AHRR: variants seen among roughly 807,000 people sequenced by gnomAD.
AHRR encodes aryl hydrocarbon receptor repressor.
In AHRR, 28 loss-of-function variants were observed where a neutral mutation model predicts 44.0. The observed-to-expected ratio is 0.64, with a 90% confidence interval of 0.47 to 0.87. The LOEUF is 0.87. Ranked by LOEUF, AHRR falls within the 40% of genes least tolerant of loss-of-function variation. The pLI is 0.00. For missense variants in AHRR, 990 were observed against 953.9 expected (o/e 1.04, Z -0.50); for synonymous variants, 434 against 407.0 (o/e 1.07, Z -0.80).
rs75436750 is a variant in AHRR at position 355,239 on chromosome 5, T to A, written c.244+1328T>A. Among the ~76,000 whole-genome samples, 1,367 of 151,758 alleles carry A rather than the reference T, an allele frequency of 9.0e-3. 8 individuals carry two copies. Among genetic ancestry groups the A allele is most frequent in the Middle Eastern group, 0.034 (10 of 294 alleles). On this transcript the variant is annotated intron_variant, in intron 3 of 10. Transcript: ENST00000684583. ...CAGGATGGCAGCTTTTCCAGGAGGG[T>A]TAAGATGTGGTGCAGTTGGTGTGGT...
chr5:409,491 C>G (rs1735387737), intron 4 of AHRR, among the ~76,000 whole-genome samples: 1 of 152,216 alleles, frequency 6.6e-6, no homozygotes, highest in African/African-American at 2.4e-5. Context: ...GTCGGTCTTT[C>G]TGACAGCGGC....
chr5:348,617 C>A (rs964960783), intron 2 of AHRR, among the ~76,000 whole-genome samples: 7 of 152,190 alleles, frequency 4.6e-5, no homozygotes, highest in Non-Finnish European at 1.0e-4. Flanking sequence ...AATCACACAG[C>A]ATTTTGTCTG....
rs1188143444 is a variant in AHRR at position 428,545 on chromosome 5, G to A, written c.908+539G>A. Reference sequence around the variant, plus strand: ...AGTAGAAAACACCCTGTTGGTCCCCGAGCTTGTTGGTACTAGGGACCAGTT... The same window carrying A: ...AGTAGAAAACACCCTGTTGGTCCCCAAGCTTGTTGGTACTAGGGACCAGTT... On this transcript the variant is annotated intron_variant, in intron 8 of 10. Coordinates refer to ENST00000684583, the MANE Select transcript of AHRR (RefSeq NM_001377236.1). 2.0e-5 allele frequency among the ~76,000 whole-genome samples: 3 copies of A among 152,222 alleles called. No individual in the cohort carries two copies. In the South Asian group the frequency reaches 6.2e-4, roughly 32 times the overall value.
chr5:436,014 G>C lies in AHRR; in HGVS notation c.*1180G>C, dbSNP rs1330216364. ...GCTGGTGCAGGCATCAGATCAGGGT[G>C]TAGAAGTCACCCCAAGCAAGAGGAA... On this transcript the variant is annotated 3_prime_UTR_variant, in exon 11 of 11. Transcript: ENST00000684583. 6.5e-6 allele frequency: 1 copy of C among 152,856 alleles called. No individual in the cohort carries two copies. The highest frequency in any genetic ancestry group is 1.5e-5 in the Non-Finnish European group (1 of 68,162). The allele number at this position is 152,856 out of a possible 1,614,324, so 9.5% of individuals were successfully genotyped here. A position where few individuals can be genotyped will look rare whatever the true frequency, so the allele number is the denominator to read the frequency against.
At chr5:335,545 G>A (rs1397861980) in intron 1 of AHRR, among the ~76,000 whole-genome samples, 3 of 152,212 alleles carry the variant, frequency 2.0e-5, no homozygotes, top group African/African-American at 7.2e-5. Context: ...AGCTGGACCA[G>A]GCAAGCTTGC....
chr5:368,481 T>C (rs1402919295), intron 3 of AHRR, among the ~76,000 whole-genome samples: 2 of 152,280 alleles, frequency 1.3e-5, no homozygotes, highest in Non-Finnish European at 2.9e-5. Context: ...ACCCTTGGCT[T>C]GTCCCTGCTG....
At chr5:336,325 G>C (rs1357122684) in intron 1 of AHRR, among the ~76,000 whole-genome samples, 1 of 152,152 alleles carries the variant, frequency 6.6e-6, no homozygotes, top group Non-Finnish European at 1.5e-5. Flanking sequence ...AAGTTTTGCT[G>C]TTTCCTGTCA....
At chr5:352,265 A>C (rs546291436) in intron 2 of AHRR, among the ~76,000 whole-genome samples, 11 of 152,300 alleles carry the variant, frequency 7.2e-5, no homozygotes, top group Middle Eastern at 3.4e-3. Flanking sequence ...CTGAGGTTAA[A>C]TAGGTCAGCT....
chr5:364,973 T>C (rs2126415612), intron 3 of AHRR, among the ~76,000 whole-genome samples: 1 of 152,212 alleles, frequency 6.6e-6, no homozygotes, highest in East Asian at 1.9e-4. Context: ...ATTCTTTCCA[T>C]AACATAATTT....
At position 334,110 on chromosome 5, in the gene AHRR, ATAGGTGAC is replaced by A. The variant is rs961257688; in HGVS notation, c.-10-9779_-10-9772del. Among the ~76,000 whole-genome samples, 36 of 152,272 alleles carry A rather than the reference ATAGGTGAC, an allele frequency of 2.4e-4. 1 individual carries two copies. Among genetic ancestry groups the A allele is most frequent in the African/African-American group, 7.9e-4 (33 of 41,530 alleles). On this transcript the variant is annotated intron_variant, in intron 1 of 10. Transcript: ENST00000684583. The stretch of plus-strand genomic sequence containing the variant: ...CTCTTAGTCTGATGAAGTTTCCTTT[ATAGGTGAC>A]TAGATGCTTTTCTCTTGATTTTAGA...
intron 1 of AHRR, among the ~76,000 whole-genome samples, chr5:328,810 G>A (rs2126322356): frequency 6.6e-6 from 1 of 152,258 alleles, no homozygotes; most frequent in East Asian, 1.9e-4. Context: ...TGGATGAATA[G>A]TTTGCAAATA....
Position 404,456 on chromosome 5 carries a change from C to A in AHRR, c.352-8888C>A. ...CAGGGGACCACTGTGCTGGTGCTGT[C>A]GTGCACGGTGTGTTCACCAAAACAT... On this transcript the variant is annotated intron_variant, in intron 4 of 10. Coordinates refer to ENST00000684583, the MANE Select transcript of AHRR (RefSeq NM_001377236.1). This position sits in a 1 kb window ranked among gnomAD's most constrained non-coding sequence, Gnocchi z 4.1. 1.9e-6 allele frequency: 1 copy of A among 519,878 alleles called. No individual in the cohort carries two copies. The highest frequency in any genetic ancestry group is 1.5e-5 in the South Asian group (1 of 68,788). 32.2% of individuals were successfully genotyped at this position (519,878 alleles called of 1,614,324 possible). A position where few individuals can be genotyped will look rare whatever the true frequency, so the allele number is the denominator to read the frequency against.
At chr5:426,582 G>A (rs1218566820) in intron 7 of AHRR, among the ~76,000 whole-genome samples, 1 of 151,678 alleles carries the variant, frequency 6.6e-6, no homozygotes, top group Non-Finnish European at 1.5e-5. Flanking sequence ...TGGATGGGTA[G>A]GTGCATAGAT....
intron 3 of AHRR, among the ~76,000 whole-genome samples, chr5:360,893 T>G (rs1743156081): frequency 6.6e-6 from 1 of 152,048 alleles, no homozygotes; most frequent in African/African-American, 2.4e-5. Context: ...TGGAAGGAAT[T>G]GCCAAAAGAA....
intron 10 of AHRR, 104 bp downstream of exon 10, chr5:433,051 C>T (rs565746866): frequency 3.2e-5 from 43 of 1,351,960 alleles, no homozygotes; most frequent in Admixed American, 1.8e-4. Flanking sequence ...ATAAAAAAGA[C>T]GACAGCAGCC....
At chr5:402,846 T>C (rs144394858) in intron 4 of AHRR, among the ~76,000 whole-genome samples, 1 of 152,174 alleles carries the variant, frequency 6.6e-6, no homozygotes. Context: ...GTATACACCA[T>C]GGAATCCTGT....
chr5:337,871 G>C lies in AHRR; in HGVS notation c.-10-6022G>C, dbSNP rs1257095905. 6.6e-6 allele frequency among the ~76,000 whole-genome samples: 1 copy of C among 152,214 alleles called. No homozygotes were observed. Among genetic ancestry groups the C allele is most frequent in the Non-Finnish European group, 1.5e-5 (1 of 68,048 alleles). The stretch of plus-strand genomic sequence containing the variant: ...TGGTGAGCAGGAACACGAAAAAATA[G>C]GAAGCACTGGAACCAGGAGAGGCTC... On this transcript the variant is annotated intron_variant, in intron 1 of 10. Coordinates refer to ENST00000684583, the MANE Select transcript of AHRR (RefSeq NM_001377236.1). This position sits in a 1 kb window ranked among gnomAD's most constrained non-coding sequence, Gnocchi z 4.1.
chr5:417,755 T>A (rs985218093), intron 5 of AHRR, among the ~76,000 whole-genome samples: 1 of 152,258 alleles, frequency 6.6e-6, no homozygotes, highest in Non-Finnish European at 1.5e-5. Context: ...TTTGCCTTGA[T>A]TATGAGGAAA....
Position 413,340 on chromosome 5 carries a change from C to A in AHRR, c.352-4C>A. 6.4e-7 allele frequency: 1 copy of A among 1,573,058 alleles called. No individual in the cohort carries two copies. The highest frequency in any genetic ancestry group is 8.6e-7 in the Non-Finnish European group (1 of 1,162,506). On this transcript the variant is annotated splice_polypyrimidine_tract_variant and splice_region_variant and intron_variant, in intron 4 of 10. Transcript: ENST00000684583. ...TTTTTTTTTTGTTTTGTTTTTTCTT[C>A]TAGTCTCTTAATGGCTTTGCTCTGG... is the stretch of plus-strand genomic sequence containing the variant.
Sources: gnomAD v4.1 joint callset for allele counts (sites outside exome capture counted in the v4.1 genomes callset) on GRCh38, gnomAD v4.1.1 for gene constraint, Gnocchi (gnomAD v3.1) non-coding constraint, MANE v1.5 for transcripts, NCBI Gene and HGNC (gene_info 2026-07-23, HGNC 2026-07-21) for gene names.